Variants in NUFIP1 observed in about 807,000 individuals in gnomAD.
NUFIP1 encodes the protein FMR1-interacting protein NUFIP1.
NUFIP1 carries 38 observed loss-of-function variants against 56.2 expected under a neutral mutation model. The observed-to-expected ratio is 0.68, with a 90% CI of 0.52 to 0.89. The LOEUF (loss-of-function observed/expected upper bound fraction) is 0.89. NUFIP1 is among the 40% of genes least tolerant of loss of function. NUFIP1 has a pLI of 0.00. For missense variants in NUFIP1, 567 were observed against 605.8 expected (o/e 0.94, Z 0.67); for synonymous variants, 215 against 212.4 (o/e 1.01, Z -0.10).
intron 9 of NUFIP1, among the ~76,000 whole-genome samples, chr13:44,942,610 C>T (rs1052753580): frequency 6.6e-6 from 1 of 152,072 alleles, no homozygotes; most frequent in East Asian, 1.9e-4. Flanking sequence ...TTTTATAACT[C>T]CACTAAAAAA....
chr13:44,948,613 C>CT (rs1216008139), intron 8 of NUFIP1, among the ~76,000 whole-genome samples: 4 of 152,082 alleles, frequency 2.6e-5, no homozygotes, highest in African/African-American at 9.7e-5. Context: ...GCCAGGTGTC[C>CT]ACAACAGTGG....
chr13:44,978,496 TTC>T (rs1158566764), intron 5 of NUFIP1, among the ~76,000 whole-genome samples: 1 of 152,334 alleles, frequency 6.6e-6, no homozygotes, highest in Admixed American at 6.5e-5. Flanking sequence ...TTCTAGTATT[TTC>T]TGAGAAGGCA....
chr13:44,950,023 C>G (rs1871037957), intron 7 of NUFIP1, among the ~76,000 whole-genome samples, 185 bp from the exon 8 acceptor site: 1 of 152,144 alleles, frequency 6.6e-6, no homozygotes, highest in Admixed American at 6.5e-5. Flanking sequence ...GGCCAAGAAA[C>G]CATTTGCCCC....
intron 1 of NUFIP1, among the ~76,000 whole-genome samples, chr13:44,988,231 C>T (rs1185375796): frequency 6.6e-6 from 1 of 152,194 alleles, no homozygotes; most frequent in Non-Finnish European, 1.5e-5. Flanking sequence ...CAGGCCTGTC[C>T]AACACGGGGC....
chr13:44,965,049 G>C (rs548249153), intron 6 of NUFIP1, among the ~76,000 whole-genome samples: 1 of 152,220 alleles, frequency 6.6e-6, no homozygotes, highest in South Asian at 2.1e-4. Flanking sequence ...ATCTTGAATT[G>C]TAACTCCCAC....
chr13:44,945,465 C>A (rs904706893), intron 8 of NUFIP1, among the ~76,000 whole-genome samples: 4 of 151,876 alleles, frequency 2.6e-5, no homozygotes, highest in Admixed American at 2.6e-4. Context: ...CCTACACAAA[C>A]CCTTAAAAAA....
At chr13:44,961,713 C>T (rs190758703) in intron 6 of NUFIP1, among the ~76,000 whole-genome samples, 1 of 152,322 alleles carries the variant, frequency 6.6e-6, no homozygotes, top group African/African-American at 2.4e-5. Flanking sequence ...TAGTTTCTGC[C>T]TCCAGCCCAC....
At position 44,989,266 on chromosome 13, in the gene NUFIP1, G is replaced by T. The variant is rs1386683605; in HGVS notation, c.171C>A (p.Ala57=). ...PPPLTSSLPA[A]GSKPSSESQP... is the part of the protein sequence containing the mutation. ...GCGACTCAGAGGAAGGCTTTGACCC[G>T]GCTGCGGGAAGCGAGGACGTAAGTG... The change falls in exon 1 of 10, where the codon GCC becomes GCA. Residue 57 remains alanine (A), a synonymous_variant. Coordinates refer to ENST00000379161, the MANE Select transcript of NUFIP1 (RefSeq NM_012345.3). 6.2e-7 allele frequency: 1 copy of T among 1,613,494 alleles called. No homozygotes were observed. The highest frequency in any genetic ancestry group is 8.5e-7 in the Non-Finnish European group (1 of 1,179,840).
intron 7 of NUFIP1, among the ~76,000 whole-genome samples, chr13:44,954,501 A>C (rs1356888359): frequency 6.6e-6 from 1 of 152,198 alleles, no homozygotes; most frequent in East Asian, 1.9e-4. Context: ...ACTGAAAGGA[A>C]AGTAGCAAAA....
chr13:44,971,966 A>G (rs1871821712), intron 5 of NUFIP1, among the ~76,000 whole-genome samples: 1 of 152,140 alleles, frequency 6.6e-6, no homozygotes, highest in Admixed American at 6.6e-5. Context: ...CATGGTAGTA[A>G]GGTTGCCATT....
In NUFIP1 at chr13:44,971,913, T is replaced by C. The variant is rs548161764; in HGVS notation, c.735-5977A>G. Reference sequence around the variant, plus strand: ...GCAGCAACAGCAGCCCTGGATTTATTTTTTTTTTAACCTTGGGAAAATGAC... The same window carrying C: ...GCAGCAACAGCAGCCCTGGATTTATCTTTTTTTTAACCTTGGGAAAATGAC... On this transcript the variant is annotated intron_variant, in intron 5 of 9. Coordinates refer to ENST00000379161, the MANE Select transcript of NUFIP1 (RefSeq NM_012345.3). Among the ~76,000 whole-genome samples the C allele has an allele frequency of 1.1e-4, 4 of 36,196 alleles. No individual in the cohort carries two copies. In the East Asian group the frequency reaches 3.7e-3, roughly 33 times the overall value. 23.7% of individuals were successfully genotyped at this position (36,196 alleles called of 152,430 possible).
chr13:44,982,329 G>A (rs912878725), intron 1 of NUFIP1, among the ~76,000 whole-genome samples, 175 bp from the exon 2 acceptor site: 2 of 152,104 alleles, frequency 1.3e-5, no homozygotes, highest in African/African-American at 4.8e-5. Flanking sequence ...TCTACCAAAT[G>A]ACTATTTTTC....
rs144069108 is a variant in NUFIP1 at position 44,989,031 on chromosome 13, G to C, written c.406C>G (p.Pro136Ala). 6.2e-7 allele frequency: 1 copy of C among 1,613,706 alleles called. No homozygotes were observed. The highest frequency in any genetic ancestry group is 8.5e-7 in the Non-Finnish European group (1 of 1,179,964). ...RFPRHQKSFN[P>A]AVKNSYYPRK... ...ACGTGGAAAAATAGCCTACCTGCAG[G>C]GTTGAAGGACTTCTGATGCCGAGGA... Residue 136 changes from proline (P) to alanine (A), a missense_variant, in exon 1 of 10, where the codon CCT becomes GCT. By Grantham distance (27) the Pro-to-Ala change is conservative. Coordinates refer to ENST00000379161, the MANE Select transcript of NUFIP1 (RefSeq NM_012345.3).
intron 5 of NUFIP1, among the ~76,000 whole-genome samples, chr13:44,971,806 C>A (rs1221274047): frequency 6.6e-6 from 1 of 152,170 alleles, no homozygotes; most frequent in East Asian, 1.9e-4. Flanking sequence ...TTTGCATATG[C>A]AAGAACATTC....
chr13:44,976,898 T>C (rs1181178026), intron 5 of NUFIP1, among the ~76,000 whole-genome samples: 4 of 152,200 alleles, frequency 2.6e-5, no homozygotes, highest in Admixed American at 1.3e-4. Context: ...GACAATTCAC[T>C]ACTCCTTTAA....
intron 7 of NUFIP1, among the ~76,000 whole-genome samples, chr13:44,955,086 T>C (rs932522522): frequency 3.9e-5 from 6 of 152,232 alleles, no homozygotes; most frequent in Non-Finnish European, 8.8e-5. Flanking sequence ...CATAAACTTG[T>C]TGCATATATA....
chr13:44,984,347 A>G (rs1426184948), intron 1 of NUFIP1, among the ~76,000 whole-genome samples: 1 of 152,152 alleles, frequency 6.6e-6, no homozygotes, highest in Non-Finnish European at 1.5e-5. Context: ...TACAATAAAC[A>G]CTAACTGTTT....
rs1447098152 is a variant in NUFIP1 at position 44,940,707 on chromosome 13, G to A, written c.*499C>T. ...GTGAATTTAAACATGTCTTAAATAAGGAATATTTACATTTCGAAACCTTCT... is the reference window on the plus strand; with the variant it reads ...GTGAATTTAAACATGTCTTAAATAAAGAATATTTACATTTCGAAACCTTCT... On this transcript the variant is annotated 3_prime_UTR_variant, in exon 10 of 10. Coordinates refer to ENST00000379161, the MANE Select transcript of NUFIP1 (RefSeq NM_012345.3). The A allele has an allele frequency of 1.3e-5, 2 of 152,204 alleles. No individual in the cohort carries two copies. The highest frequency in any genetic ancestry group is 2.9e-5 in the Non-Finnish European group (2 of 68,064). The allele number at this position is 152,204 out of a possible 1,614,324, so 9.4% of individuals were successfully genotyped here. A position where few individuals can be genotyped will look rare whatever the true frequency, so the allele number is the denominator to read the frequency against.
chr13:44,962,044 A>C (rs1871442772), intron 6 of NUFIP1, among the ~76,000 whole-genome samples: 2 of 152,222 alleles, frequency 1.3e-5, no homozygotes, highest in Non-Finnish European at 2.9e-5. Flanking sequence ...AAAAGGCATA[A>C]TGTAAATAAA....
Sources: gnomAD v4.1 joint callset for allele counts (sites outside exome capture counted in the v4.1 genomes callset) on GRCh38, gnomAD v4.1.1 for gene constraint, MANE v1.5 for transcripts, NCBI Gene and HGNC (gene_info 2026-07-23, HGNC 2026-07-21) for gene names.